ABLIM1: variants seen among roughly 807,000 people sequenced by gnomAD.
The protein encoded by ABLIM1 is actin binding LIM protein 1, also known as actin-binding LIM protein 1.
ABLIM1 carries 40 observed loss-of-function variants against 107.0 expected under a neutral mutation model. That is an observed-to-expected ratio of 0.37 (90% CI 0.29 to 0.49). The LOEUF (loss-of-function observed/expected upper bound fraction) is 0.49. Ranked by LOEUF, ABLIM1 falls within the 20% of genes least tolerant of loss-of-function variation. The pLI, the probability that ABLIM1 is intolerant of heterozygous loss-of-function variation, is 0.97. For synonymous variants in ABLIM1, 357 were observed against 357.3 expected, an observed-to-expected ratio of 1.00 and a Z score of 0.01; for missense variants, 857 against 1,008.5, an observed-to-expected ratio of 0.85 and a Z score of 2.04.
chr10:114,774,635 A>G, the ABLIM1 span, among the ~76,000 whole-genome samples: 3 of 152,334 alleles, frequency 2.0e-5, no homozygotes, highest in Admixed American at 1.3e-4. Flanking sequence ...AAAAAGTTGG[A>G]CTGAAAAACA....
At chr10:114,510,881 G>T (rs1314243022) in intron 6 of ABLIM1, among the ~76,000 whole-genome samples, 2 of 151,698 alleles carry the variant, frequency 1.3e-5, no homozygotes, top group African/African-American at 4.9e-5. Flanking sequence ...CAAACTCCTG[G>T]GCTCAAGGGA....
chr10:114,513,856 T>C (rs150128192), intron 6 of ABLIM1, among the ~76,000 whole-genome samples: 26 of 152,300 alleles, frequency 1.7e-4, no homozygotes, highest in African/African-American at 5.3e-4. Flanking sequence ...CAAATTCTTA[T>C]TGACTATTAA....
intron 1 of ABLIM1, among the ~76,000 whole-genome samples, chr10:114,693,401 A>C (rs2081125158): frequency 6.6e-6 from 1 of 152,230 alleles, no homozygotes; most frequent in African/African-American, 2.4e-5. Context: ...AGCAAGTGAG[A>C]GAATGAGTAG....
At chr10:114,781,322 G>A in the ABLIM1 span, among the ~76,000 whole-genome samples, 1 of 151,836 alleles carries the variant, frequency 6.6e-6, no homozygotes, top group Non-Finnish European at 1.5e-5. Flanking sequence ...TGGGCAACAT[G>A]GTGAAACCCC....
chr10:114,500,683 G>GAAA (rs71007473), intron 6 of ABLIM1, among the ~76,000 whole-genome samples: 2 of 52,530 alleles, frequency 3.8e-5, no homozygotes, highest in African/African-American at 1.3e-4. Context: ...TGTGTCGAAA[G>GAAA]AAAAAAAAAA....
intron 1 of ABLIM1, among the ~76,000 whole-genome samples, chr10:114,676,075 T>G (rs533291643): frequency 6.6e-6 from 1 of 152,218 alleles, no homozygotes; most frequent in African/African-American, 2.4e-5. Flanking sequence ...TTCAGCGTCC[T>G]TTGTGAGGAC....
chr10:114,547,684 A>G lies in ABLIM1; in HGVS notation c.766T>C (p.Cys256Arg). Reference protein sequence around the residue: ...WHLGCFKCKSCGKVLTGEYIS... With the variant: ...WHLGCFKCKSRGKVLTGEYIS... ...TACTCCCCGGTGAGGACCTTCCCGC[A>G]GGACTTGCATTTAAAGCACCCCAAG... The change falls in exon 5 of 23, where the codon TGC becomes CGC. Residue 256 changes from cysteine (C) to arginine (R), a missense_variant. This residue lies in a region of ABLIM1 where 381 missense variants were observed against 506.9 expected (regional missense o/e 0.75). Coordinates refer to ENST00000533213, the MANE Select transcript of ABLIM1 (RefSeq NM_002313.7). 1 of 1,613,848 alleles carries G rather than the reference A, an allele frequency of 6.2e-7. No individual in the cohort carries two copies. Among genetic ancestry groups the G allele is most frequent in the Non-Finnish European group, 8.5e-7 (1 of 1,180,038 alleles).
At chr10:114,639,030 GT>G (rs1020632765) in intron 1 of ABLIM1, among the ~76,000 whole-genome samples, 2 of 152,072 alleles carry the variant, frequency 1.3e-5, no homozygotes, top group African/African-American at 4.8e-5. Flanking sequence ...TTTTTGCAAG[GT>G]TTACAAAGCC....
At chr10:114,462,908 T>C (rs2064245909) in intron 12 of ABLIM1, 1 of 937,612 alleles carries the variant, frequency 1.1e-6, no homozygotes. Context: ...CTGTTGGGTA[T>C]AGTCATGACA....
intron 1 of ABLIM1, among the ~76,000 whole-genome samples, chr10:114,710,010 A>G (rs1322156750): frequency 6.6e-6 from 1 of 152,148 alleles, no homozygotes; most frequent in Non-Finnish European, 1.5e-5. Context: ...CACCATGTGC[A>G]CACATGTGTA....
chr10:114,588,194 G>A (rs1488179527), intron 2 of ABLIM1, among the ~76,000 whole-genome samples: 2 of 152,074 alleles, frequency 1.3e-5, no homozygotes. Context: ...TTGTACGATA[G>A]GGAGTTTCTC....
At chr10:114,471,146 T>C (rs572186662) in intron 10 of ABLIM1, among the ~76,000 whole-genome samples, 4 of 152,342 alleles carry the variant, frequency 2.6e-5, no homozygotes, top group Admixed American at 2.0e-4. Flanking sequence ...ACCTTGGCCT[T>C]GGCCTCCTAA....
At chr10:114,659,495 C>T (rs999352966), upstream of ABLIM1, among the ~76,000 whole-genome samples, 5 of 151,930 alleles carry the variant, frequency 3.3e-5, no homozygotes, top group Middle Eastern at 3.2e-3. Context: ...CCTAGGTGAC[C>T]GGGCAAGACT....
intron 1 of ABLIM1, among the ~76,000 whole-genome samples, chr10:114,602,518 C>T (rs1475942645): frequency 4.6e-5 from 7 of 152,200 alleles, no homozygotes; most frequent in Non-Finnish European, 1.0e-4. Context: ...TTCTAGCCTG[C>T]TTTACCAGAG....
At chr10:114,509,421 C>T (rs1267379299) in intron 6 of ABLIM1, among the ~76,000 whole-genome samples, 1 of 152,170 alleles carries the variant, frequency 6.6e-6, no homozygotes, top group Non-Finnish European at 1.5e-5. Flanking sequence ...TCTCCAGGCT[C>T]TTATTATCCT....
chr10:114,490,041 T>G (rs1435200091), intron 7 of ABLIM1, among the ~76,000 whole-genome samples: 1 of 152,226 alleles, frequency 6.6e-6, no homozygotes, highest in Admixed American at 6.5e-5. Flanking sequence ...CAGGGTTGAT[T>G]GGCACTCCTG....
At chr10:114,568,295 A>G (rs890785012) in intron 4 of ABLIM1, among the ~76,000 whole-genome samples, 3 of 151,980 alleles carry the variant, frequency 2.0e-5, no homozygotes, top group African/African-American at 7.3e-5. Context: ...GGGACTTAAT[A>G]CCTAGGTGAT....
intron 4 of ABLIM1, among the ~76,000 whole-genome samples, chr10:114,553,404 G>A (rs2068323177): frequency 6.6e-6 from 1 of 152,208 alleles, no homozygotes; most frequent in East Asian, 1.9e-4. Context: ...ACGATGGGGA[G>A]AAGTATCCCA....
intron 1 of ABLIM1, among the ~76,000 whole-genome samples, chr10:114,622,091 C>T (rs1046418729): frequency 6.6e-6 from 1 of 152,188 alleles, no homozygotes; most frequent in Non-Finnish European, 1.5e-5. Flanking sequence ...ACCCACCTAG[C>T]TCATGTGTCA....
Sources: gnomAD v4.1 joint callset for allele counts (sites outside exome capture counted in the v4.1 genomes callset) on GRCh38, gnomAD v4.1.1 for gene constraint, gnomAD v4.1.1 regional missense constraint, MANE v1.5 for transcripts, NCBI Gene and HGNC (gene_info 2026-07-23, HGNC 2026-07-21) for gene names.